GPC5: variants seen among roughly 807,000 people sequenced by gnomAD.
The protein encoded by GPC5 is glypican 5.
GPC5 carries 47 observed loss-of-function variants against 53.9 expected under a neutral mutation model. That is an observed-to-expected ratio of 0.87 (90% CI 0.69 to 1.11). The LOEUF (loss-of-function observed/expected upper bound fraction) is 1.11. Among genes scored for constraint, GPC5 ranks in the 50% most tolerant of loss-of-function variants. The probability of loss-of-function intolerance (pLI) is 0.00; values close to 1 mark genes in which losing one functional copy is unlikely to be tolerated. For synonymous variants in GPC5, 286 were observed against 263.3 expected, an observed-to-expected ratio of 1.09 and a Z score of -0.84; for missense variants, 748 against 713.1, an observed-to-expected ratio of 1.05 and a Z score of -0.56.
chr13:92,638,613 C>A (rs1248474301), intron 7 of GPC5, among the ~76,000 whole-genome samples: 1 of 152,152 alleles, frequency 6.6e-6, no homozygotes, highest in Non-Finnish European at 1.5e-5. Context: ...ACAGAAGTGT[C>A]TTCTTTGTTG....
intron 1 of GPC5, among the ~76,000 whole-genome samples, chr13:91,416,454 T>TTTATTATTATTATTATTATTATTATTA (rs368453925): frequency 1.3e-3 from 193 of 151,072 alleles, no homozygotes; most frequent in Middle Eastern, 3.4e-3. Flanking sequence ...ATCCATTTCT[T>TTTATTATTATTATTATTATTATTATTA]TTATTATTAT....
At chr13:91,764,066 G>A (rs764314151) in intron 5 of GPC5, among the ~76,000 whole-genome samples, 62 of 151,666 alleles carry the variant, frequency 4.1e-4, no homozygotes, top group Non-Finnish European at 6.9e-4. Flanking sequence ...TTTTTGATTC[G>A]TGGTTGGTCG....
Position 92,103,994 on chromosome 13 carries a change from A to G in GPC5, c.1402-40836A>G, listed in dbSNP as rs551439428. On this transcript the variant is annotated intron_variant, in intron 6 of 7. Coordinates refer to ENST00000377067, the MANE Select transcript of GPC5 (RefSeq NM_004466.6). ...GCCCTGACCATTATTACCACTTTAT[A>G]GAGCTGAAATATTAAACCATGATTA... Among the ~76,000 whole-genome samples, 117 of 152,264 alleles carry G rather than the reference A, an allele frequency of 7.7e-4. 1 individual carries two copies. The highest frequency in any genetic ancestry group is 7.2e-3 in the South Asian group (35 of 4,834).
intron 7 of GPC5, among the ~76,000 whole-genome samples, chr13:92,777,022 C>CAAAAAAAA (rs1243297680): frequency 3.7e-5 from 1 of 26,670 alleles, no homozygotes; most frequent in African/African-American, 1.5e-4. Context: ...GACCCTGCCT[C>CAAAAAAAA]AAAAAAAAAA....
At chr13:91,934,292 T>C (rs2039849626) in intron 6 of GPC5, among the ~76,000 whole-genome samples, 1 of 151,908 alleles carries the variant, frequency 6.6e-6, no homozygotes, top group Non-Finnish European at 1.5e-5. Context: ...CTGCCTTGCT[T>C]AGGTATCAGA....
intron 7 of GPC5, among the ~76,000 whole-genome samples, chr13:92,614,098 A>G (rs192278498): frequency 3.2e-4 from 49 of 152,224 alleles, no homozygotes; most frequent in Non-Finnish European, 6.0e-4. Flanking sequence ...ATATTTAGCA[A>G]AAGAATGAAT....
intron 2 of GPC5, among the ~76,000 whole-genome samples, chr13:91,549,140 G>T (rs2030473974): frequency 6.6e-6 from 1 of 151,906 alleles, no homozygotes; most frequent in Admixed American, 6.6e-5. Context: ...ATGGTGGCAG[G>T]CTCCTGTAAT....
At chr13:91,546,802 A>G (rs2030318184) in intron 2 of GPC5, among the ~76,000 whole-genome samples, 1 of 152,226 alleles carries the variant, frequency 6.6e-6, no homozygotes, top group South Asian at 2.1e-4. Flanking sequence ...AAAGAAGCTT[A>G]TTAAGTGATC....
intron 5 of GPC5, among the ~76,000 whole-genome samples, chr13:91,899,186 C>A (rs965004008): frequency 2.6e-5 from 4 of 152,106 alleles, no homozygotes; most frequent in Admixed American, 6.6e-5. Flanking sequence ...GAGAACAAAT[C>A]ATTTTTGAAG....
chr13:91,872,851 A>T (rs558213906), intron 5 of GPC5, among the ~76,000 whole-genome samples: 1 of 152,324 alleles, frequency 6.6e-6, no homozygotes, highest in East Asian at 1.9e-4. Flanking sequence ...TTGGTACTGC[A>T]GTGGTGTTTT....
chr13:92,268,076 C>A (rs1363206643), intron 7 of GPC5, among the ~76,000 whole-genome samples: 2 of 151,544 alleles, frequency 1.3e-5, no homozygotes, highest in East Asian at 3.9e-4. Flanking sequence ...TATTTTTACC[C>A]TTCAAAACAC....
rs189169550 is a variant in GPC5, at chr13:91,709,356, C to T, written c.1020+15475C>T. Among the ~76,000 whole-genome samples, 8 of 152,294 alleles carry T rather than the reference C, an allele frequency of 5.3e-5. No individual in the cohort carries two copies. In the East Asian group the frequency reaches 1.5e-3, roughly 29 times the overall value. On this transcript the variant is annotated intron_variant, in intron 3 of 7. Coordinates refer to ENST00000377067, the MANE Select transcript of GPC5 (RefSeq NM_004466.6). ...ACTGACCTTTAGTACTTTGCACATT[C>T]TGGCCTTTACCACCACTTTACCTTT...
chr13:92,225,700 A>G (rs2042480680), intron 7 of GPC5, among the ~76,000 whole-genome samples: 1 of 152,172 alleles, frequency 6.6e-6, no homozygotes, highest in African/African-American at 2.4e-5. Context: ...TTGTACATGC[A>G]TCATAATATG....
intron 7 of GPC5, among the ~76,000 whole-genome samples, chr13:92,192,791 C>T (rs1372010866): frequency 6.6e-6 from 1 of 152,052 alleles, no homozygotes; most frequent in Non-Finnish European, 1.5e-5. Context: ...AGTTTAATAC[C>T]ATTATGTTTG....
intron 7 of GPC5, among the ~76,000 whole-genome samples, chr13:92,429,479 A>G (rs1010212391): frequency 6.6e-6 from 1 of 151,788 alleles, no homozygotes; most frequent in Non-Finnish European, 1.5e-5. Context: ...TCTACATAAT[A>G]CATTCAATTT....
chr13:91,826,328 A>G (rs1161242753), intron 5 of GPC5, among the ~76,000 whole-genome samples: 2 of 152,092 alleles, frequency 1.3e-5, no homozygotes, highest in Non-Finnish European at 2.9e-5. Context: ...TCTACCTAAT[A>G]TATATTGGTC....
intron 7 of GPC5, among the ~76,000 whole-genome samples, chr13:92,284,660 A>G: frequency 6.6e-6 from 1 of 152,326 alleles, no homozygotes; most frequent in East Asian, 1.9e-4. Context: ...ATCTCAATAG[A>G]TGCAGAAAAC....
intron 2 of GPC5, among the ~76,000 whole-genome samples, chr13:91,648,197 A>G (rs1422926181): frequency 6.6e-6 from 1 of 152,172 alleles, no homozygotes; most frequent in Non-Finnish European, 1.5e-5. Flanking sequence ...CTTTTCATTC[A>G]TTTATCAAAC....
rs35255458 is a variant in GPC5 at position 92,595,767 on chromosome 13, C to CAAAAA, written c.1562-270499_1562-270495dup. Among the ~76,000 whole-genome samples the CAAAAA allele has an allele frequency of 7.9e-3, 735 of 93,068 alleles. 23 individuals carry two copies. The highest frequency in any genetic ancestry group is 0.012 in the Non-Finnish European group (611 of 49,956). 61.1% of individuals were successfully genotyped at this position (93,068 alleles called of 152,430 possible). On this transcript the variant is annotated intron_variant, in intron 7 of 7. Coordinates refer to ENST00000377067, the MANE Select transcript of GPC5 (RefSeq NM_004466.6). ...TGGGCGAAAGAGCGAGACTCTGTCT[C>CAAAAA]AAAAAAAAAAAAAAAAAAAAGATAG...
Sources: gnomAD v4.1 joint callset for allele counts (sites outside exome capture counted in the v4.1 genomes callset) on GRCh38, gnomAD v4.1.1 for gene constraint, MANE v1.5 for transcripts, NCBI Gene and HGNC (gene_info 2026-07-23, HGNC 2026-07-21) for gene names.